The following NOL4 variants were observed in gnomAD, a reference collection of about 807,000 sequenced individuals.
NOL4 encodes nucleolar protein 4, also known as cancer/testis antigen 125.
Under a neutral mutation model 75.9 loss-of-function variants are expected in NOL4, and 17 were observed. The ratio of observed to expected loss-of-function variants is 0.22; its 90% CI spans 0.15 to 0.34. NOL4 has a LOEUF of 0.34. NOL4 is among the 10% of genes least tolerant of loss of function. NOL4 has a pLI of 1.00. For synonymous variants in NOL4, 292 were observed against 289.9 expected, an observed-to-expected ratio of 1.01 and a Z score of -0.07; for missense variants, 614 against 793.5, an observed-to-expected ratio of 0.77 and a Z score of 2.72.
chr18:33,993,902 A>G (rs1201582198), intron 6 of NOL4, among the ~76,000 whole-genome samples: 1 of 151,756 alleles, frequency 6.6e-6, no homozygotes, highest in African/African-American at 2.4e-5. Flanking sequence ...CAACTTTTTT[A>G]AAAGTGAAAC....
In NOL4 at chr18:34,024,194, A is replaced by AAAAAT; in HGVS notation, c.773-4594_773-4593insATTTT. Among the ~76,000 whole-genome samples the AAAAAT allele has an allele frequency of 9.9e-5, 7 of 70,658 alleles. 1 individual carries two copies. The highest frequency in any genetic ancestry group is 1.6e-4 in the African/African-American group (3 of 18,962). 46.4% of individuals were successfully genotyped at this position (70,658 alleles called of 152,430 possible). A position where few individuals can be genotyped will look rare whatever the true frequency, so the allele number is the denominator to read the frequency against. Reference sequence around the variant, plus strand: ...CAAAATAAACAGGAAAAAAAAAAAAAATATATATATATATATATATAAAAT... The same window carrying AAAAAT: ...CAAAATAAACAGGAAAAAAAAAAAAAAAAATATATATATATATATATATATAAAAT... On this transcript the variant is annotated intron_variant, in intron 5 of 10. Transcript: ENST00000261592.
chr18:34,126,992 C>T (rs1355874707), intron 2 of NOL4, among the ~76,000 whole-genome samples: 1 of 151,236 alleles, frequency 6.6e-6, no homozygotes, highest in African/African-American at 2.4e-5. Context: ...GATACAAATG[C>T]AATAAAGAGA....
In NOL4 at chr18:34,049,074, GCACACACACACACA is replaced by G. The variant is rs1163959249; in HGVS notation, c.773-29487_773-29474del. On this transcript the variant is annotated intron_variant, in intron 5 of 10. Transcript: ENST00000261592. ...ACTTGAAGGTTAGATACAGGCGCGC[GCACACACACACACA>G]CACACACACACACACACACACACAC... Among the ~76,000 whole-genome samples the G allele has an allele frequency of 2.4e-3, 153 of 64,784 alleles. 1 individual carries two copies. The highest frequency in any genetic ancestry group is 7.0e-3 in the African/African-American group (143 of 20,356). The allele number at this position is 64,784 out of a possible 152,430, so 42.5% of individuals were successfully genotyped here.
intron 1 of NOL4, among the ~76,000 whole-genome samples, chr18:34,209,954 G>A (rs2036400753): frequency 6.6e-6 from 1 of 152,084 alleles, no homozygotes. Flanking sequence ...TATTCTATGG[G>A]CACATCCAAT....
At chr18:34,186,453 C>T (rs935925181) in intron 1 of NOL4, among the ~76,000 whole-genome samples, 1 of 152,166 alleles carries the variant, frequency 6.6e-6, no homozygotes, top group African/African-American at 2.4e-5. Context: ...CTGTAAGCCT[C>T]CTTCCTTATA....
At chr18:34,021,825 T>TA (rs1371065136) in intron 5 of NOL4, among the ~76,000 whole-genome samples, 1 of 151,868 alleles carries the variant, frequency 6.6e-6, no homozygotes, top group African/African-American at 2.4e-5. Flanking sequence ...AGTAAAAAAT[T>TA]AAAAAACAGG....
chr18:33,917,557 G>A (rs1353188821), intron 9 of NOL4, among the ~76,000 whole-genome samples: 1 of 152,042 alleles, frequency 6.6e-6, no homozygotes, highest in Non-Finnish European at 1.5e-5. Flanking sequence ...GTGCAGTGGT[G>A]TAATCATAGC....
In NOL4 at chr18:34,050,967, C is replaced by T. The variant is rs139730696; in HGVS notation, c.773-31366G>A. Among the ~76,000 whole-genome samples, 812 of 152,120 alleles carry T rather than the reference C, an allele frequency of 5.3e-3. 3 individuals are homozygous for T. The highest frequency in any genetic ancestry group is 0.019 in the African/African-American group (775 of 41,516). On this transcript the variant is annotated intron_variant, in intron 5 of 10. Coordinates refer to ENST00000261592, the MANE Select transcript of NOL4 (RefSeq NM_003787.5). ...CTCTAGACTTTGGCTAGACACTGAA[C>T]ACAGACTCTAATGACAAACTGCATT...
intron 5 of NOL4, among the ~76,000 whole-genome samples, chr18:34,059,411 A>G (rs34941995): frequency 0.38 from 58,154 of 151,472 alleles, 11,664 homozygotes; most frequent in South Asian, 0.53. Context: ...TCTTCCTGGC[A>G]TATCCTGTTC....
At chr18:34,206,957 T>A (rs566211140) in intron 1 of NOL4, among the ~76,000 whole-genome samples, 8 of 152,186 alleles carry the variant, frequency 5.3e-5, no homozygotes, top group Middle Eastern at 3.4e-3. Context: ...CCATGAATTT[T>A]AAATTCATGG....
chr18:34,069,595 G>A (rs1395820527), intron 5 of NOL4, among the ~76,000 whole-genome samples: 1 of 151,778 alleles, frequency 6.6e-6, no homozygotes, highest in African/African-American at 2.4e-5. Flanking sequence ...GCATATCATA[G>A]GCAAACTGAT....
chr18:33,927,284 G>A (rs1019677402), intron 9 of NOL4, among the ~76,000 whole-genome samples: 1 of 152,134 alleles, frequency 6.6e-6, no homozygotes, highest in Non-Finnish European at 1.5e-5. Flanking sequence ...TTTTGATGGT[G>A]TATTAAAGGC....
intron 2 of NOL4, among the ~76,000 whole-genome samples, chr18:34,107,457 C>G (rs537442306): frequency 6.6e-6 from 1 of 151,766 alleles, no homozygotes; most frequent in African/African-American, 2.4e-5. Context: ...AAGATAAAAG[C>G]GCTTATTTGG....
intron 1 of NOL4, among the ~76,000 whole-genome samples, chr18:34,163,120 C>G (rs2146194174): frequency 6.6e-6 from 1 of 152,164 alleles, no homozygotes; most frequent in South Asian, 2.1e-4. Flanking sequence ...TATGACAAAC[C>G]CACAGCCAAT....
intron 9 of NOL4, among the ~76,000 whole-genome samples, chr18:33,910,826 C>A (rs567375106): frequency 2.6e-5 from 4 of 152,132 alleles, no homozygotes; most frequent in African/African-American, 9.6e-5. Context: ...AATTCTCTAA[C>A]AAAAGTATAC....
chr18:33,916,122 T>C (rs2066707653), intron 9 of NOL4, among the ~76,000 whole-genome samples: 1 of 152,098 alleles, frequency 6.6e-6, no homozygotes, highest in South Asian at 2.1e-4. Context: ...AGGGAGAGTG[T>C]AAGAGTGATA....
intron 1 of NOL4, among the ~76,000 whole-genome samples, chr18:34,209,491 A>G (rs542080781): frequency 6.6e-6 from 1 of 151,594 alleles, no homozygotes; most frequent in East Asian, 1.9e-4. Context: ...AAATCCAAGA[A>G]AAAATGGTTA....
chr18:34,058,969 TA>T (rs2076945235), intron 5 of NOL4, among the ~76,000 whole-genome samples: 1 of 151,868 alleles, frequency 6.6e-6, no homozygotes, highest in Non-Finnish European at 1.5e-5. Context: ...ATCTTTCTCA[TA>T]AATTCTCTGG....
At chr18:34,018,422 C>T (rs2074835453) in intron 6 of NOL4, among the ~76,000 whole-genome samples, 1 of 152,078 alleles carries the variant, frequency 6.6e-6, no homozygotes, top group Admixed American at 6.6e-5. Context: ...TAAATAGAGC[C>T]AATTTAGGAA....
Sources: gnomAD v4.1 joint callset for allele counts (sites outside exome capture counted in the v4.1 genomes callset) on GRCh38, gnomAD v4.1.1 for gene constraint, MANE v1.5 for transcripts, NCBI Gene and HGNC (gene_info 2026-07-23, HGNC 2026-07-21) for gene names.